The following PPRC1 variants were observed in gnomAD, a reference collection of about 807,000 sequenced individuals.
The protein encoded by PPRC1 is PPARG related coactivator 1.
Under a neutral mutation model 132.5 loss-of-function variants are expected in PPRC1, and 23 were observed. That is an observed-to-expected ratio of 0.17 (90% CI 0.12 to 0.25). PPRC1 has a LOEUF of 0.25. Ranked by LOEUF, PPRC1 falls within the 10% of genes least tolerant of loss-of-function variation. PPRC1 has a pLI of 1.00. For synonymous variants in PPRC1, 872 were observed against 833.5 expected (o/e 1.05, Z -0.80); for missense variants, 2,006 against 2,089.1 (o/e 0.96, Z 0.78).
chr10:102,125,811 C>T, the PPRC1 span, among the ~76,000 whole-genome samples: 1 of 152,022 alleles, frequency 6.6e-6, no homozygotes, highest in Admixed American at 6.6e-5. Flanking sequence ...ATTTCTCTCA[C>T]CCTTGAAATT....
chr10:102,142,400 CTTTTTTTTTTTTTTT>C (rs71016364), intron 5 of PPRC1, among the ~76,000 whole-genome samples: 6 of 61,234 alleles, frequency 9.8e-5, no homozygotes, highest in Non-Finnish European at 1.8e-4. Flanking sequence ...TGCACCATGC[CTTTTTTTTTTTTTTT>C]TTTTTTTTTT....
Position 102,139,762 on chromosome 10 carries a change from A to C in PPRC1, c.1254A>C (p.Ser418=), listed in dbSNP as rs1590331235. Residue 418 remains serine, a synonymous_variant, in exon 5 of 14, where the codon TCA becomes TCC. Transcript: ENST00000278070. ...CSEKEGLSLN[S]EEKLDSACLL... is the part of the protein sequence containing the mutation. ...AGAAAGAGGGGTTGTCATTGAACTCAGAGGAGAAGCTGGACTCAGCCTGCT... is the reference window on the plus strand; with the variant it reads ...AGAAAGAGGGGTTGTCATTGAACTCCGAGGAGAAGCTGGACTCAGCCTGCT... 1 of 1,614,188 alleles carries C rather than the reference A, an allele frequency of 6.2e-7. No homozygotes were observed. The highest frequency in any genetic ancestry group is 2.2e-5 in the East Asian group (1 of 44,886).
At chr10:102,138,185 C>T in intron 2 of PPRC1, 147 bp downstream of exon 2, 1 of 850,686 alleles carries the variant, frequency 1.2e-6, no homozygotes, top group East Asian at 2.7e-5. Context: ...TTTTTTGTCT[C>T]TAAGTGGGAA....
chr10:102,149,729 CAAAAA>C (rs34550400), intron 13 of PPRC1, among the ~76,000 whole-genome samples, 192 bp from the exon 14 acceptor site: 20 of 110,620 alleles, frequency 1.8e-4, no homozygotes, highest in Middle Eastern at 4.7e-3. Context: ...GAGACTGTCT[CAAAAA>C]AAAAAAAAAA....
chr10:102,141,311 C>G lies in PPRC1; in HGVS notation c.2803C>G (p.Pro935Ala), dbSNP rs770209826. 1 of 1,614,056 alleles carries G rather than the reference C, an allele frequency of 6.2e-7. No homozygotes were observed. Among genetic ancestry groups the G allele is most frequent in the South Asian group, 1.1e-5 (1 of 91,084 alleles). Residue 935 changes from proline to alanine, a missense_variant, in exon 5 of 14, where the codon CCT (proline) becomes GCT (alanine). Pro to Ala is a conservative substitution (Grantham distance 27, BLOSUM62 -1). This residue lies in a region of PPRC1 where 1,914 missense variants were observed against 1,917.2 expected (regional missense o/e 1.00). Transcript: ENST00000278070. ...CYPHVSPSGY[P>A]CLPPPPTVPL... is the part of the protein sequence containing the mutation. ...TCCTCATGTGTCCCCTTCTGGCTAT[C>G]CTTGCCTGCCCCCCCCACCAACGGT...
At position 102,146,847 on chromosome 10, in the gene PPRC1, C is replaced by T. The variant is rs960036447; in HGVS notation, c.3855C>T (p.Gly1285=). ...TTCGCCTCCAAGAAGGGGTCCATGG[C>T]CCTAGTCGAGTCCATGTGGGCTCTG... is the stretch of plus-strand genomic sequence containing the variant. ...AAVRLQEGVH[G]PSRVHVGSGD... is the part of the protein sequence containing the mutation. The change falls in exon 9 of 14, where the codon GGC becomes GGT. Residue 1285 remains glycine (G), a synonymous_variant. Coordinates refer to ENST00000278070, the MANE Select transcript of PPRC1 (RefSeq NM_015062.5). 1.2e-6 allele frequency: 2 copies of T among 1,614,062 alleles called. No individual in the cohort carries two copies. Among genetic ancestry groups the T allele is most frequent in the South Asian group, 1.1e-5 (1 of 91,084 alleles).
Position 102,140,920 on chromosome 10 carries a change from G to T in PPRC1, c.2412G>T (p.Lys804Asn). 1 of 1,614,014 alleles carries T rather than the reference G, an allele frequency of 6.2e-7. No homozygotes were observed. Among genetic ancestry groups the T allele is most frequent in the Non-Finnish European group, 8.5e-7 (1 of 1,180,014 alleles). ...TCATCCCACCAGCCCCAGCCAAGAA[G>T]ACAGCTCTGCAGAGAAGCCCTGAAA... ...CLVIPPAPAKKTALQRSPETP... is the reference protein window; with the variant it reads ...CLVIPPAPAKNTALQRSPETP... The change falls in exon 5 of 14, where the codon AAG becomes AAT. Residue 804 changes from lysine (K) to asparagine (N), a missense_variant. Around this residue, in one of 2 missense-constraint regions of PPRC1, gnomAD observed 1,914 missense variants for 1,917.2 expected, o/e 1.00. Coordinates refer to ENST00000278070, the MANE Select transcript of PPRC1 (RefSeq NM_015062.5).
chr10:102,137,790 A>G (rs903129604), intron 1 of PPRC1, 60 bp from the exon 2 acceptor site: 3 of 1,508,578 alleles, frequency 2.0e-6, no homozygotes, highest in Admixed American at 1.9e-5. Context: ...TGATTTATGG[A>G]GCATATTATC....
At chr10:102,139,029 TGTGTGGGGACAGGTCTGGAAAA>T in intron 4 of PPRC1, 49 bp downstream of exon 4, 1 of 1,600,530 alleles carries the variant, frequency 6.2e-7, no homozygotes, top group Non-Finnish European at 8.6e-7. Flanking sequence ...GGAGGAGGAG[TGTGTGGGGACAGGTCTGGAAAA>T]TACTTTCCCA....
chr10:102,137,740 G>T, intron 1 of PPRC1, 110 bp from the exon 2 acceptor site: 2 of 1,055,778 alleles, frequency 1.9e-6, no homozygotes, highest in Non-Finnish European at 1.3e-6. Flanking sequence ...TGGCGACAGT[G>T]TTGCTGCTGC....
chr10:102,120,391 G>A, the PPRC1 span: 1 of 983,526 alleles, frequency 1.0e-6, no homozygotes, highest in Non-Finnish European at 1.2e-6. Flanking sequence ...GTGTGTGCGC[G>A]TGTGCGTGTG....
chr10:102,144,860 A>G (rs1016959181), intron 7 of PPRC1, 160 bp from the exon 8 acceptor site: 3 of 634,540 alleles, frequency 4.7e-6, no homozygotes, highest in Non-Finnish European at 8.2e-6. Flanking sequence ...TTTGTAGTTC[A>G]GTCAATAAGA....
chr10:102,126,068 G>A, the PPRC1 span, among the ~76,000 whole-genome samples: 1 of 151,962 alleles, frequency 6.6e-6, no homozygotes, highest in Non-Finnish European at 1.5e-5. Context: ...CACCATGTTG[G>A]TCAGGCTCAT....
At chr10:102,149,403 TG>T in intron 13 of PPRC1, 74 bp downstream of exon 13, 1 of 1,459,074 alleles carries the variant, frequency 6.9e-7, no homozygotes, top group Non-Finnish European at 9.1e-7. Flanking sequence ...CCTTTGTGAG[TG>T]GGGCTAGGCA....
At chr10:102,120,848 C>T in the PPRC1 span, among the ~76,000 whole-genome samples, 3 of 152,138 alleles carry the variant, frequency 2.0e-5, no homozygotes, top group South Asian at 6.2e-4. Context: ...TGGTGTATCT[C>T]TCTCCACCCC....
chr10:102,143,130 C>CT (rs765526829), intron 6 of PPRC1, 32 bp downstream of exon 6: 20 of 1,595,018 alleles, frequency 1.3e-5, no homozygotes, highest in Admixed American at 6.7e-5. Flanking sequence ...TGCTCCAACT[C>CT]TTTTTTTGGT....
chr10:102,133,033 A>G (rs2068576077), upstream of PPRC1: 4 of 1,238,862 alleles, frequency 3.2e-6, no homozygotes, highest in Non-Finnish European at 3.0e-6. Context: ...AGGCGGCGCC[A>G]GCGATCAGAG....
At chr10:102,144,929 C>G in intron 7 of PPRC1, 91 bp from the exon 8 acceptor site, 2 of 1,042,208 alleles carry the variant, frequency 1.9e-6, no homozygotes, top group Non-Finnish European at 2.9e-6. Flanking sequence ...CTTCTCTGCA[C>G]CCACCCCCTC....
rs549997961 is a variant in PPRC1 at position 102,139,604 on chromosome 10, C to T, written c.1096C>T (p.Arg366Ter). 6.2e-7 allele frequency: 1 copy of T among 1,613,848 alleles called. No homozygotes were observed. Among genetic ancestry groups the T allele is most frequent in the Non-Finnish European group, 8.5e-7 (1 of 1,179,986 alleles). The change falls in exon 5 of 14, where the codon CGA (arginine) becomes TGA (stop). Residue 366 changes from arginine (R) to a stop codon, truncating the protein, a stop_gained. Transcript: ENST00000278070. LOFTEE classifies it high-confidence loss of function. Reference protein sequence around the residue: ...GDDLEIPVVVRQVSPGPRPVL... With the variant: ...GDDLEIPVVV ...TGACCTGGAGATCCCAGTTGTGGTGCGACAGGTCTCTCCTGGACCCCGGCC... is the reference window on the plus strand; with the variant it reads ...TGACCTGGAGATCCCAGTTGTGGTGTGACAGGTCTCTCCTGGACCCCGGCC...
Sources: allele counts gnomAD v4.1 joint callset (sites outside exome capture counted in the v4.1 genomes callset), GRCh38; gene constraint gnomAD v4.1.1; regional missense constraint gnomAD v4.1.1; transcripts MANE v1.5; gene names NCBI Gene and HGNC (gene_info 2026-07-23, HGNC 2026-07-21).